Variants in DNAH7 observed in about 807,000 individuals in gnomAD.
DNAH7 encodes axonemal beta dynein heavy chain 7.
Under a neutral mutation model 444.6 loss-of-function variants are expected in DNAH7, and 397 were observed. The ratio of observed to expected loss-of-function variants is 0.89; its 90% CI spans 0.82 to 0.97. DNAH7 has a LOEUF of 0.97. Ranked by LOEUF, DNAH7 falls within the 50% of genes least tolerant of loss-of-function variation. The pLI, the probability that DNAH7 is intolerant of heterozygous loss-of-function variation, is 0.00. For missense variants in DNAH7, 4,902 were observed against 4,800.8 expected (o/e 1.02, Z -0.62); for synonymous variants, 1,636 against 1,624.4 (o/e 1.01, Z -0.17).
chr2:195,950,790 T>C (rs1052896333), intron 19 of DNAH7, among the ~76,000 whole-genome samples: 12 of 133,156 alleles, frequency 9.0e-5, no homozygotes, highest in Non-Finnish European at 1.8e-4. Flanking sequence ...AGGCGAAGCT[T>C]GCAGTGAGCC....
rs560730690 is a variant in DNAH7 at position 195,873,086 on chromosome 2, C to T, written c.6413+482G>A. 5.3e-5 allele frequency among the ~76,000 whole-genome samples: 8 copies of T among 152,252 alleles called. No individual in the cohort carries two copies. The South Asian group carries it at 8.3e-4, about 16-fold the overall frequency. ...TTTACTCCATCATCACTGGATAAGG[C>T]AAGGAATGACAATTTCTTGAGAATG... On this transcript the variant is annotated intron_variant, in intron 39 of 64. Coordinates refer to ENST00000312428, the MANE Select transcript of DNAH7 (RefSeq NM_018897.3).
At chr2:195,836,285 G>A (rs1164465791) in intron 47 of DNAH7, among the ~76,000 whole-genome samples, 2 of 152,168 alleles carry the variant, frequency 1.3e-5, no homozygotes, top group African/African-American at 4.8e-5. Flanking sequence ...GGGAGGCTGA[G>A]GTGGACAGAT....
intron 46 of DNAH7, among the ~76,000 whole-genome samples, chr2:195,847,530 A>G (rs868478159): frequency 6.6e-6 from 1 of 151,748 alleles, no homozygotes. Flanking sequence ...CTGAAAAACT[A>G]CCTACTAGAT....
chr2:195,960,476 C>A lies in DNAH7; in HGVS notation c.2675G>T (p.Ser892Ile). Residue 892 changes from serine to isoleucine, a missense_variant, in exon 18 of 65, where the codon AGT (serine) becomes ATT (isoleucine). Transcript: ENST00000312428. Reference protein sequence around the residue: ...EPYIDRFEGISEAASKEYSLE... With the variant: ...EPYIDRFEGIIEAASKEYSLE... ...AGAATATTCTTTGCTAGCTGCTTCA[C>A]TAATACCTTCAAATCGGTCTATATA... 6.2e-7 allele frequency: 1 copy of A among 1,614,170 alleles called. No homozygotes were observed. The highest frequency in any genetic ancestry group is 8.5e-7 in the Non-Finnish European group (1 of 1,180,020).
chr2:195,777,668 T>A (rs6728010), intron 59 of DNAH7, 132 bp downstream of exon 59: 38,095 of 882,076 alleles, frequency 0.043, 1,076 homozygotes, highest in African/African-American at 0.12. Flanking sequence ...TATCCCTATA[T>A]GACTGAAGAA....
At chr2:195,758,822 C>A (rs1694206734) in intron 61 of DNAH7, among the ~76,000 whole-genome samples, 1 of 152,204 alleles carries the variant, frequency 6.6e-6, no homozygotes, top group Non-Finnish European at 1.5e-5. Flanking sequence ...TCAGCTGATG[C>A]CTGTGAAAGA....
intron 8 of DNAH7, among the ~76,000 whole-genome samples, chr2:196,021,108 T>C (rs1173647195): frequency 6.6e-6 from 1 of 152,126 alleles, no homozygotes; most frequent in African/African-American, 2.4e-5. Context: ...TCTATAAATA[T>C]ATATATTCTG....
At chr2:195,816,226 A>G (rs1697213060) in intron 51 of DNAH7, among the ~76,000 whole-genome samples, 1 of 152,172 alleles carries the variant, frequency 6.6e-6, no homozygotes, top group Non-Finnish European at 1.5e-5. Flanking sequence ...TTTTTACCCT[A>G]GCATTTGACA....
chr2:195,771,768 TG>T lies in DNAH7; in HGVS notation c.11324del (p.Thr3775LysfsTer7). 1 of 1,614,204 alleles carries T rather than the reference TG, an allele frequency of 6.2e-7. No homozygotes were observed. Among genetic ancestry groups the T allele is most frequent in the Non-Finnish European group, 8.5e-7 (1 of 1,180,030 alleles). ...DIEAAMRRYPTTYTQSMNTVL... is the reference protein window; with the variant it reads ...DIEAAMRRYPXTYTQSMNTVL... ...CAGTGTTCATGCTCTGAGTATAAGT[TG>T]TTGGGTACCTCCTCATGGCAGCCTC... On this transcript the variant is annotated frameshift_variant, in exon 61 of 65. Transcript: ENST00000312428. LOFTEE classifies it high-confidence loss of function.
intron 15 of DNAH7, among the ~76,000 whole-genome samples, chr2:195,980,421 T>C (rs992047045): frequency 1.3e-5 from 2 of 152,168 alleles, no homozygotes; most frequent in East Asian, 3.8e-4. Context: ...CTTTCCTTTA[T>C]AAGTCATCCA....
chr2:195,991,147 A>G (rs1266559122), intron 12 of DNAH7, among the ~76,000 whole-genome samples: 1 of 151,786 alleles, frequency 6.6e-6, no homozygotes, highest in Non-Finnish European at 1.5e-5. Context: ...TGTTTTTTAC[A>G]TTACATTACA....
intron 12 of DNAH7, among the ~76,000 whole-genome samples, chr2:195,998,275 G>C (rs1007022473): frequency 1.3e-5 from 2 of 152,028 alleles, no homozygotes; most frequent in Non-Finnish European, 2.9e-5. Flanking sequence ...CATTCCTTTT[G>C]ATAATTATAA....
chr2:195,959,162 T>C (rs951986772), intron 18 of DNAH7, among the ~76,000 whole-genome samples: 1 of 152,190 alleles, frequency 6.6e-6, no homozygotes, highest in African/African-American at 2.4e-5. Flanking sequence ...TAAGTGGTGC[T>C]CTGTGATTTT....
chr2:195,939,934 C>A (rs760934595), intron 19 of DNAH7, among the ~76,000 whole-genome samples: 139 of 152,106 alleles, frequency 9.1e-4, no homozygotes, highest in Middle Eastern at 3.4e-3. Context: ...TATCATGAAA[C>A]TGGCCATACT....
chr2:195,858,393 AACTAG>A, intron 43 of DNAH7, 76 bp downstream of exon 43: 2 of 1,196,256 alleles, frequency 1.7e-6, no homozygotes, highest in Non-Finnish European at 2.2e-6. Flanking sequence ...CGGAGAGACA[AACTAG>A]ACTAGAACAC....
chr2:195,880,808 C>T (rs2125169027), intron 36 of DNAH7, among the ~76,000 whole-genome samples: 1 of 152,148 alleles, frequency 6.6e-6, no homozygotes, highest in African/African-American at 2.4e-5. Flanking sequence ...GAAGTAAGTT[C>T]CTAAGTTTGT....
chr2:195,937,978 A>T (rs1458233991), intron 19 of DNAH7, among the ~76,000 whole-genome samples: 1 of 152,156 alleles, frequency 6.6e-6, no homozygotes, highest in Non-Finnish European at 1.5e-5. Context: ...TAAATACTAA[A>T]TTTCAAGATT....
chr2:195,777,894 C>G lies in DNAH7; in HGVS notation c.10970G>C (p.Ser3657Thr). ...TDDWDRRTLRSILNKFFNPEL... is the reference protein window; with the variant it reads ...TDDWDRRTLRTILNKFFNPEL... ...GGGATTGAAGAATTTGTTTAGAATG[C>G]TGCGCAGCGTGCGCCGGTCCCAGTC... The change falls in exon 59 of 65, where the codon AGC becomes ACC. Residue 3657 changes from serine to threonine, a missense_variant. By Grantham distance (58) the Ser-to-Thr change is moderately conservative. Transcript: ENST00000312428. The G allele has an allele frequency of 1.5e-5, 25 of 1,614,220 alleles. No individual in the cohort carries two copies. The highest frequency in any genetic ancestry group is 2.1e-5 in the Non-Finnish European group (25 of 1,180,024).
chr2:195,771,990 GCTCT>G, intron 60 of DNAH7, 100 bp from the exon 61 acceptor site: 2 of 978,446 alleles, frequency 2.0e-6, no homozygotes, highest in Middle Eastern at 2.1e-4. Flanking sequence ...AAAGAACATT[GCTCT>G]CTATTTTATC....
Sources: allele counts gnomAD v4.1 joint callset (sites outside exome capture counted in the v4.1 genomes callset), GRCh38; gene constraint gnomAD v4.1.1; transcripts MANE v1.5; gene names NCBI Gene and HGNC (gene_info 2026-07-23, HGNC 2026-07-21).